JAKMIP3: variants seen among roughly 807,000 people sequenced by gnomAD.
The protein encoded by JAKMIP3 is janus kinase and microtubule-interacting protein 3.
A neutral mutation model predicts 118.5 loss-of-function variants in JAKMIP3; 58 were observed. The ratio of observed to expected loss-of-function variants is 0.49; its 90% CI spans 0.40 to 0.61. The LOEUF (loss-of-function observed/expected upper bound fraction) is 0.61. JAKMIP3 is among the 20% of genes least tolerant of loss of function. The pLI is 0.00. For missense variants in JAKMIP3, 950 were observed against 1,109.0 expected (o/e 0.86, Z 2.04); for synonymous variants, 486 against 451.2 (o/e 1.08, Z -0.98).
rs1335625848 is a variant in JAKMIP3 at position 132,184,126 on chromosome 10, A to G, written c.*2873A>G. On this transcript the variant is annotated 3_prime_UTR_variant, in exon 24 of 24. Transcript: ENST00000684848. ...GTTCAACACACAGAACAACATAGAT[A>G]CTTTAGTTTGTCTAAAGTAAAAATC... The G allele has an allele frequency of 6.6e-6, 1 of 152,252 alleles. No homozygotes were observed. The allele number at this position is 152,252 out of a possible 1,614,324, so 9.4% of individuals were successfully genotyped here. A position where few individuals can be genotyped will look rare whatever the true frequency, so the allele number is the denominator to read the frequency against.
chr10:132,161,447 C>T (rs375053414), intron 19 of JAKMIP3, among the ~76,000 whole-genome samples: 10,811 of 41,822 alleles, frequency 0.26, 894 homozygotes, highest in Admixed American at 0.38. Context: ...GCTGGGGAGC[C>T]TCTTCCTGTG....
intron 2 of JAKMIP3, 52 bp downstream of exon 2, chr10:132,104,995 C>A: frequency 7.1e-6 from 11 of 1,547,398 alleles, no homozygotes; most frequent in Non-Finnish European, 9.6e-6. Context: ...CCTGCCTCCC[C>A]TGGGGCCCAG....
intron 1 of JAKMIP3, among the ~76,000 whole-genome samples, chr10:132,066,332 T>C (rs757291323): frequency 2.0e-5 from 3 of 152,194 alleles, no homozygotes; most frequent in Admixed American, 6.5e-5. Flanking sequence ...CTTTAAAGCA[T>C]GGGTGTGTGT....
chr10:132,082,864 C>T (rs531361269), intron 1 of JAKMIP3, among the ~76,000 whole-genome samples: 15 of 152,346 alleles, frequency 9.8e-5, no homozygotes, highest in South Asian at 2.1e-4. Flanking sequence ...CCGCCTTGGC[C>T]GCCCAAAGTG....
chr10:132,104,911 A>C lies in JAKMIP3; in HGVS notation c.103A>C (p.Ile35Leu), dbSNP rs1449185464. 9 of 1,590,466 alleles carry C rather than the reference A, an allele frequency of 5.7e-6. No homozygotes were observed. The South Asian group carries it at 1.0e-4, about 18-fold the overall frequency. Residue 35 changes from isoleucine to leucine, a missense_variant, in exon 2 of 24, where the codon ATC becomes CTC. Physicochemically the swap from Ile to Leu is conservative, Grantham distance 5 (BLOSUM62 2). Transcript: ENST00000684848. ...NEDLRAKLTDIQIELQQEKSK... is the reference protein window; with the variant it reads ...NEDLRAKLTDLQIELQQEKSK... ...GGATCTTCGAGCCAAGCTCACAGAC[A>C]TCCAGATCGAGCTGCAGCAGGAGAA...
chr10:132,153,492 T>C (rs2056591571), intron 17 of JAKMIP3, among the ~76,000 whole-genome samples: 1 of 151,886 alleles, frequency 6.6e-6, no homozygotes, highest in Non-Finnish European at 1.5e-5. Flanking sequence ...GCTCTGCAGA[T>C]GTGTCTCTCC....
At chr10:132,151,136 C>T (rs1055052848) in intron 16 of JAKMIP3, among the ~76,000 whole-genome samples, 4 of 152,210 alleles carry the variant, frequency 2.6e-5, no homozygotes, top group African/African-American at 7.2e-5. Flanking sequence ...TTCCTTCATC[C>T]TCCATTCATT....
rs375629642 is a variant in JAKMIP3, at chr10:132,141,928, C to T, written c.1482C>T (p.Ala494=). 68 of 1,593,768 alleles carry T rather than the reference C, an allele frequency of 4.3e-5. 1 individual carries two copies. The African/African-American group carries it at 6.6e-4, about 15-fold the overall frequency. The part of the protein sequence containing the change: ...TPDDDLEEGM[A]KEETELRFRQ... Reference sequence around the variant, plus strand: ...CATCCGTGTCTCTCCAGGGCATGGCCAAGGAGGAGACGGAGCTGAGGTTCC... The same window carrying T: ...CATCCGTGTCTCTCCAGGGCATGGCTAAGGAGGAGACGGAGCTGAGGTTCC... The change falls in exon 11 of 24, where the codon GCC becomes GCT. Residue 494 remains alanine, a synonymous_variant. Coordinates refer to ENST00000684848, the MANE Select transcript of JAKMIP3 (RefSeq NM_001323087.2).
At position 132,065,978 on chromosome 10, in the gene JAKMIP3, G is replaced by A. The variant is rs918228798; in HGVS notation, c.-221G>A. Among the ~76,000 whole-genome samples the A allele has an allele frequency of 2.0e-5, 3 of 152,188 alleles. No individual in the cohort carries two copies. The highest frequency in any genetic ancestry group is 7.2e-5 in the African/African-American group (3 of 41,444). On this transcript the variant is annotated 5_prime_UTR_variant, in exon 1 of 24. Transcript: ENST00000684848. This position sits in a 1 kb window ranked among gnomAD's most constrained non-coding sequence, Gnocchi z 5.6. The stretch of plus-strand genomic sequence containing the variant: ...CTCGGAGCTGATTTGCGCAAAAGCC[G>A]GACTGAGTCTTGGACGAGCCGGGAA...
At chr10:132,047,333 C>T (rs2133791015) in intron 1 of JAKMIP3, among the ~76,000 whole-genome samples, 1 of 152,336 alleles carries the variant, frequency 6.6e-6, no homozygotes, top group East Asian at 1.9e-4. Context: ...TGCAGCATTA[C>T]TGCGTTAATT....
At chr10:132,153,690 C>T (rs2056626559) in intron 17 of JAKMIP3, 69 bp from the exon 18 acceptor site, 1 of 1,479,960 alleles carries the variant, frequency 6.8e-7, no homozygotes, top group Non-Finnish European at 9.4e-7. Flanking sequence ...GCTTTTCTCC[C>T]AGCTGTCTCC....
intron 19 of JAKMIP3, among the ~76,000 whole-genome samples, chr10:132,159,777 C>G (rs112269213): frequency 6.0e-4 from 13 of 21,836 alleles, no homozygotes; most frequent in African/African-American, 1.0e-3. Flanking sequence ...ACTGGGGGGT[C>G]TCTTCCTGTG....
intron 1 of JAKMIP3, among the ~76,000 whole-genome samples, chr10:132,087,188 C>G (rs1446876447): frequency 6.6e-6 from 1 of 152,154 alleles, no homozygotes; most frequent in Non-Finnish European, 1.5e-5. Flanking sequence ...AGATAGGGCA[C>G]CAATCCATTC....
intron 11 of JAKMIP3, 82 bp from the exon 12 acceptor site, chr10:132,145,025 C>G (rs2054324336): frequency 1.8e-6 from 2 of 1,136,238 alleles, no homozygotes; most frequent in Admixed American, 2.1e-5. Flanking sequence ...AAAGACAGAC[C>G]CTTCTGACGT....
chr10:132,125,631 G>C lies in JAKMIP3; in HGVS notation c.634-7681G>C, dbSNP rs138563858. Reference sequence around the variant, plus strand: ...CCTTAATGAACCTGGTGTATTTACTGTTAGATTTTTCTCTTCTCTCAGCCA... The same window carrying C: ...CCTTAATGAACCTGGTGTATTTACTCTTAGATTTTTCTCTTCTCTCAGCCA... On this transcript the variant is annotated intron_variant, in intron 3 of 23. Transcript: ENST00000684848. 4.6e-5 allele frequency among the ~76,000 whole-genome samples: 7 copies of C among 152,316 alleles called. No homozygotes were observed. The East Asian group carries it at 1.3e-3, about 29-fold the overall frequency.
At chr10:132,106,434 A>G (rs113888317) in intron 2 of JAKMIP3, among the ~76,000 whole-genome samples, 4,608 of 151,798 alleles carry the variant, frequency 0.03, 107 homozygotes, top group South Asian at 0.13. Flanking sequence ...TAAAATATTT[A>G]CCATCTGGCC....
At chr10:132,107,457 T>C (rs1025888472) in intron 2 of JAKMIP3, among the ~76,000 whole-genome samples, 1 of 152,206 alleles carries the variant, frequency 6.6e-6, no homozygotes, top group Non-Finnish European at 1.5e-5. Flanking sequence ...GGGGCATGTT[T>C]AGTTGTACCT....
chr10:132,085,769 G>GA, intron 1 of JAKMIP3, among the ~76,000 whole-genome samples: 1 of 152,264 alleles, frequency 6.6e-6, no homozygotes, highest in Non-Finnish European at 1.5e-5. Context: ...AAAGTGCTGG[G>GA]ATTACAGGCG....
rs2059165252 is a variant in JAKMIP3, at chr10:132,168,473, G to A, written c.*543G>A. ...TGGGATGGTCCTGGGAGGGCTCCCC[G>A]ACGCCTCAGGGGCCCCTCCGATGCT... On this transcript the variant is annotated 3_prime_UTR_variant, in exon 23 of 24. Coordinates refer to ENST00000684848, the MANE Select transcript of JAKMIP3 (RefSeq NM_001323087.2). 24 of 1,135,392 alleles carry A rather than the reference G, an allele frequency of 2.1e-5. No individual in the cohort carries two copies. Among genetic ancestry groups the A allele is most frequent in the Admixed American group, 2.7e-5 (1 of 37,348 alleles). The allele number at this position is 1,135,392 out of a possible 1,614,324, so 70.3% of individuals were successfully genotyped here. A position where few individuals can be genotyped will look rare whatever the true frequency, so the allele number is the denominator to read the frequency against.
Sources: allele counts gnomAD v4.1 joint callset (sites outside exome capture counted in the v4.1 genomes callset), GRCh38; gene constraint gnomAD v4.1.1; non-coding constraint Gnocchi (gnomAD v3.1); transcripts MANE v1.5; gene names NCBI Gene and HGNC (gene_info 2026-07-23, HGNC 2026-07-21).